Variants in AP2B1 observed in about 807,000 individuals in gnomAD.
AP2B1 encodes the protein AP-2 complex subunit beta.
Under a neutral mutation model 102.0 loss-of-function variants are expected in AP2B1, and 23 were observed. The observed-to-expected ratio is 0.23, with a 90% confidence interval of 0.16 to 0.32. The LOEUF (loss-of-function observed/expected upper bound fraction) is 0.32, where lower values mean the gene tolerates loss of function less well. AP2B1 is among the 10% of genes least tolerant of loss of function. The pLI is 1.00. For synonymous variants in AP2B1, 381 were observed against 421.2 expected (o/e 0.90, Z 1.17); for missense variants, 541 against 1,157.4 (o/e 0.47, Z 7.73).
At chr17:35,623,847 CA>C (rs1376458656) in intron 5 of AP2B1, among the ~76,000 whole-genome samples, 1 of 152,144 alleles carries the variant, frequency 6.6e-6, no homozygotes, top group Non-Finnish European at 1.5e-5. Flanking sequence ...ATCTCGTTTT[CA>C]GATGAAGAAA....
intron 18 of AP2B1, among the ~76,000 whole-genome samples, chr17:35,690,048 C>T (rs954394973): frequency 4.6e-5 from 7 of 151,952 alleles, no homozygotes; most frequent in Non-Finnish European, 1.5e-5. Flanking sequence ...TATGTCTCTT[C>T]TCTCCTTCTA....
At chr17:35,699,388 T>G (rs1288740947) in intron 18 of AP2B1, among the ~76,000 whole-genome samples, 1 of 152,232 alleles carries the variant, frequency 6.6e-6, no homozygotes, top group African/African-American at 2.4e-5. Context: ...TCACATACTC[T>G]TAACGAACAA....
intron 7 of AP2B1, 22 bp downstream of exon 7, chr17:35,626,864 G>T: frequency 1.2e-6 from 2 of 1,600,924 alleles, no homozygotes; most frequent in South Asian, 2.2e-5. Flanking sequence ...GCGAAGTGTT[G>T]ATTAAAGTGT....
intron 9 of AP2B1, among the ~76,000 whole-genome samples, chr17:35,628,109 A>G (rs947915411): frequency 4.6e-5 from 7 of 152,222 alleles, no homozygotes; most frequent in African/African-American, 1.4e-4. Context: ...TATAACAATT[A>G]TTTACATAGT....
intron 2 of AP2B1, among the ~76,000 whole-genome samples, chr17:35,596,628 G>C (rs1027447544): frequency 3.3e-5 from 5 of 151,896 alleles, no homozygotes; most frequent in Admixed American, 3.3e-4. Context: ...CTCGGGTGGC[G>C]GCCAGCCTGC....
In AP2B1 at chr17:35,724,705, T is replaced by C. The variant is rs1396872426; in HGVS notation, c.*1006T>C. The C allele has an allele frequency of 2.0e-5, 3 of 152,240 alleles. No individual in the cohort carries two copies. Among genetic ancestry groups the C allele is most frequent in the Admixed American group, 2.0e-4 (3 of 15,292 alleles). 9.4% of individuals were successfully genotyped at this position (152,240 alleles called of 1,614,324 possible). A position where few individuals can be genotyped will look rare whatever the true frequency, so the allele number is the denominator to read the frequency against. On this transcript the variant is annotated 3_prime_UTR_variant, in exon 22 of 22. Coordinates refer to ENST00000610402, the MANE Select transcript of AP2B1 (RefSeq NM_001030006.2). ...TTACCGCCAAGGCCCGTCAGCTGTG[T>C]AGTGGCAAAGCCGAGACCGAGTCTC...
intron 5 of AP2B1, among the ~76,000 whole-genome samples, chr17:35,611,231 GTGTT>G (rs1391012249): frequency 1.3e-5 from 2 of 152,184 alleles, no homozygotes; most frequent in Non-Finnish European, 2.9e-5. Flanking sequence ...GAGATGAAAA[GTGTT>G]TGTGCTGCAA....
Position 35,709,317 on chromosome 17 carries a change from C to A in AP2B1, c.2539+9C>A, listed in dbSNP as rs782782641. On this transcript the variant is annotated intron_variant, in intron 19 of 21. Coordinates refer to ENST00000610402, the MANE Select transcript of AP2B1 (RefSeq NM_001030006.2). ...AGAAGATGGCAAAATGGGTAAGTAC[C>A]TTCCTGCCTGTCCTGCTGAATATAC... is the stretch of plus-strand genomic sequence containing the variant. 28 of 1,609,194 alleles carry A rather than the reference C, an allele frequency of 1.7e-5. No homozygotes were observed. The Middle Eastern group carries it at 2.3e-3, about 133-fold the overall frequency.
rs587601192 is a variant in AP2B1 at position 35,703,786 on chromosome 17, G to A, written c.2455-5438G>A. On this transcript the variant is annotated intron_variant, in intron 18 of 21. Transcript: ENST00000610402. ...CTGTACAGCAAATCTGATGACACAA[G>A]TTTACCTATGTAACAAGCCTGCACA... Among the ~76,000 whole-genome samples, 5 of 151,992 alleles carry A rather than the reference G, an allele frequency of 3.3e-5. No homozygotes were observed. The East Asian group carries it at 9.7e-4, about 29-fold the overall frequency.
chr17:35,601,525 C>A (rs1021401994), intron 3 of AP2B1, among the ~76,000 whole-genome samples: 4 of 152,116 alleles, frequency 2.6e-5, no homozygotes, highest in African/African-American at 9.7e-5. Flanking sequence ...TGCCTTGGCC[C>A]CCCGAAGTGT....
At chr17:35,627,309 A>G in intron 7 of AP2B1, 76 bp from the exon 8 acceptor site, 1 of 895,832 alleles carries the variant, frequency 1.1e-6, no homozygotes, top group East Asian at 4.7e-5. Flanking sequence ...GGCACAGATT[A>G]GGTATTAATA....
At chr17:35,663,077 T>C (rs1171669468) in intron 14 of AP2B1, among the ~76,000 whole-genome samples, 1 of 152,224 alleles carries the variant, frequency 6.6e-6, no homozygotes, top group Admixed American at 6.5e-5. Flanking sequence ...TTTGAGATTT[T>C]TTAGCCCACA....
chr17:35,708,313 C>G (rs978852206), intron 18 of AP2B1, among the ~76,000 whole-genome samples: 3 of 152,150 alleles, frequency 2.0e-5, no homozygotes, highest in Non-Finnish European at 4.4e-5. Context: ...TGACTTAGAG[C>G]AAGTCTCCTC....
intron 21 of AP2B1, among the ~76,000 whole-genome samples, chr17:35,720,545 T>TTTTATATATATATATATA (rs1402145369): frequency 9.2e-5 from 5 of 54,372 alleles, no homozygotes; most frequent in African/African-American, 4.1e-4. Context: ...TTTATTTTAT[T>TTTTATATATATATATATA]TATATATATA....
At chr17:35,696,577 A>G (rs925485840) in intron 18 of AP2B1, among the ~76,000 whole-genome samples, 1 of 151,930 alleles carries the variant, frequency 6.6e-6, no homozygotes, top group East Asian at 1.9e-4. Context: ...TATTGGAGAC[A>G]GGAGTTTCGT....
At chr17:35,634,318 T>A (rs1277000547) in intron 9 of AP2B1, among the ~76,000 whole-genome samples, 1 of 152,234 alleles carries the variant, frequency 6.6e-6, no homozygotes, top group Non-Finnish European at 1.5e-5. Context: ...CCTCTTTAAA[T>A]AATTAAATCT....
rs112341458 is a variant in AP2B1, at chr17:35,690,406, G to C, written c.2454+7582G>C. Among the ~76,000 whole-genome samples, 773 of 152,330 alleles carry C rather than the reference G, an allele frequency of 5.1e-3. 8 individuals carry two copies. Among genetic ancestry groups the C allele is most frequent in the African/African-American group, 0.018 (733 of 41,574 alleles). Reference sequence around the variant, plus strand: ...CCTTGTGGGGAGCTAAATTGGGAAAGAGGGCTGGAGAGTCTTAGCATTCAG... The same window carrying C: ...CCTTGTGGGGAGCTAAATTGGGAAACAGGGCTGGAGAGTCTTAGCATTCAG... On this transcript the variant is annotated intron_variant, in intron 18 of 21. Coordinates refer to ENST00000610402, the MANE Select transcript of AP2B1 (RefSeq NM_001030006.2).
At chr17:35,710,120 T>C (rs1347516486) in intron 19 of AP2B1, 114 bp from the exon 20 acceptor site, 1 of 745,376 alleles carries the variant, frequency 1.3e-6, no homozygotes, top group Non-Finnish European at 2.4e-6. Context: ...CCCAGCCTGC[T>C]GCTAGCTGTA....
chr17:35,648,091 G>A (rs2074986574), intron 12 of AP2B1, among the ~76,000 whole-genome samples: 1 of 151,932 alleles, frequency 6.6e-6, no homozygotes, highest in African/African-American at 2.4e-5. Context: ...ATTGAAACAG[G>A]GACTTATTGT....
Sources: allele counts gnomAD v4.1 joint callset (sites outside exome capture counted in the v4.1 genomes callset), GRCh38; gene constraint gnomAD v4.1.1; transcripts MANE v1.5; gene names NCBI Gene and HGNC (gene_info 2026-07-23, HGNC 2026-07-21).